IL2RB: variants seen among roughly 807,000 people sequenced by gnomAD.
IL2RB encodes the protein interleukin-2 receptor subunit beta.
In IL2RB, 17 loss-of-function variants were observed where a neutral mutation model predicts 44.2. The observed-to-expected ratio is 0.38, with a 90% CI of 0.26 to 0.58. The LOEUF is 0.58. IL2RB is among the 20% of genes least tolerant of loss of function. The probability of loss-of-function intolerance (pLI) is 0.63; values close to 1 mark genes in which losing one functional copy is unlikely to be tolerated. For missense variants in IL2RB, 624 were observed against 685.5 expected (o/e 0.91, Z 1.00); for synonymous variants, 286 against 297.9 (o/e 0.96, Z 0.41).
At chr22:37,146,690 C>T (rs756096569) in intron 1 of IL2RB, among the ~76,000 whole-genome samples, 9 of 152,180 alleles carry the variant, frequency 5.9e-5, no homozygotes, top group Non-Finnish European at 1.2e-4. Context: ...GCAGGGCCGG[C>T]GTTGACCAGG....
chr22:37,139,163 C>A lies in IL2RB; in HGVS notation c.342G>T (p.Val114=). 1.9e-6 allele frequency: 3 copies of A among 1,614,078 alleles called. No individual in the cohort carries two copies. The highest frequency in any genetic ancestry group is 2.5e-6 in the Non-Finnish European group (3 of 1,179,968). ...VTLRVLCREG[V]RWRVMAIQDF... ...CCTGGATGGCCATCACCCTCCATCG[C>A]ACCCCCTCACGGCACAGCACCCTCA... The change falls in exon 5 of 10, where the codon GTG becomes GTT. Residue 114 remains valine, a synonymous_variant. Transcript: ENST00000216223.
At chr22:37,154,492 T>C (rs146761898), upstream of IL2RB, among the ~76,000 whole-genome samples, 727 of 152,138 alleles carry the variant, frequency 4.8e-3, 8 homozygotes, top group African/African-American at 0.017. Flanking sequence ...TGGGAGGAAG[T>C]GATTTATTCT....
In IL2RB at chr22:37,170,089, A is replaced by AATGG. The variant is rs541899667; in HGVS notation, c.-34+4865_-34+4868dup. Among the ~76,000 whole-genome samples the AATGG allele has an allele frequency of 4.8e-3, 560 of 115,768 alleles. 1 individual carries two copies. Among genetic ancestry groups the AATGG allele is most frequent in the African/African-American group, 0.022 (492 of 21,892 alleles). 75.9% of individuals were successfully genotyped at this position (115,768 alleles called of 152,430 possible). On this transcript the variant is annotated intron_variant, in intron 1 of 5. Transcript: ENST00000429622. ...GAAGGATGGGGGAGAAGGAAGGAAG[A>AATGG]ATGGATGGATGGATGGATGGATGGA...
upstream of IL2RB, among the ~76,000 whole-genome samples, chr22:37,153,433 C>T (rs1922568207): frequency 6.6e-6 from 1 of 152,072 alleles, no homozygotes; most frequent in South Asian, 2.1e-4. Context: ...CTTAGGCCTC[C>T]CTGTGCTTCA....
rs549967280 is a variant in IL2RB, at chr22:37,172,097, T to C, written c.-34+2861A>G. ...TGACGTTGTCAGGATTGAAATGACC[T>C]GTTACTGCTTTAATGCTCCCTCTCA... On this transcript the variant is annotated intron_variant, in intron 1 of 5. Transcript: ENST00000429622. Among the ~76,000 whole-genome samples the C allele has an allele frequency of 3.9e-5, 6 of 152,198 alleles. No homozygotes were observed. The South Asian group carries it at 8.3e-4, about 21-fold the overall frequency.
upstream of IL2RB, among the ~76,000 whole-genome samples, chr22:37,154,870 G>A (rs545451198): frequency 1.3e-5 from 2 of 152,066 alleles, no homozygotes; most frequent in East Asian, 3.9e-4. Context: ...CACCACGGCC[G>A]GCCATCCCTC....
chr22:37,155,838 G>A (rs1395097452), intron 1 of IL2RB, among the ~76,000 whole-genome samples: 1 of 152,158 alleles, frequency 6.6e-6, no homozygotes, highest in East Asian at 1.9e-4. Flanking sequence ...CCTCTGCGCT[G>A]CATCTTCATG....
chr22:37,170,687 G>T (rs904219607), intron 1 of IL2RB, among the ~76,000 whole-genome samples: 4 of 152,142 alleles, frequency 2.6e-5, no homozygotes, highest in Non-Finnish European at 5.9e-5. Flanking sequence ...GTGGCTCATG[G>T]CCTCCCAGCC....
At chr22:37,154,039 G>A (rs1336779051), upstream of IL2RB, among the ~76,000 whole-genome samples, 1 of 152,182 alleles carries the variant, frequency 6.6e-6, no homozygotes, top group Non-Finnish European at 1.5e-5. Context: ...CAAAGACCAG[G>A]TCAGACACAG....
chr22:37,148,838 G>A (rs1210785889), intron 1 of IL2RB, among the ~76,000 whole-genome samples: 2 of 152,066 alleles, frequency 1.3e-5, no homozygotes, highest in African/African-American at 2.4e-5. Context: ...TGCCATCAGG[G>A]GTATATGGTG....
intron 1 of IL2RB, among the ~76,000 whole-genome samples, chr22:37,158,309 G>T (rs1441937204): frequency 6.6e-6 from 1 of 152,134 alleles, no homozygotes; most frequent in East Asian, 1.9e-4. Context: ...CAGCACTTTG[G>T]CAGGCTGAGG....
At chr22:37,165,204 C>T (rs906101392) in intron 1 of IL2RB, among the ~76,000 whole-genome samples, 1 of 152,234 alleles carries the variant, frequency 6.6e-6, no homozygotes, top group South Asian at 2.1e-4. Context: ...TGGGCCTGGG[C>T]CATCTGGCTC....
At chr22:37,154,575 CTTTTTTTTT>C (rs57147928), upstream of IL2RB, among the ~76,000 whole-genome samples, 1 of 141,608 alleles carries the variant, frequency 7.1e-6, no homozygotes, top group South Asian at 2.2e-4. Context: ...CTTTTTTTTT[CTTTTTTTTT>C]TTTTGTTTTT....
intron 8 of IL2RB, 67 bp from the exon 9 acceptor site, chr22:37,132,535 C>A: frequency 8.4e-7 from 1 of 1,188,914 alleles, no homozygotes; most frequent in South Asian, 1.3e-5. Flanking sequence ...ATGCCATCGG[C>A]ACCACAGCTC....
At chr22:37,149,706 G>C (rs1298584651) in intron 1 of IL2RB, 119 bp downstream of exon 1, 1 of 325,664 alleles carries the variant, frequency 3.1e-6, no homozygotes. Context: ...TTGGGGGATG[G>C]GAGTTCAGGC....
intron 1 of IL2RB, among the ~76,000 whole-genome samples, chr22:37,174,131 C>T (rs1923375149): frequency 6.6e-6 from 1 of 152,156 alleles, no homozygotes; most frequent in African/African-American, 2.4e-5. Context: ...GTTATGTGAC[C>T]AGCTGTGGCC....
chr22:37,162,453 G>A (rs1241536172), intron 1 of IL2RB, among the ~76,000 whole-genome samples: 4 of 152,218 alleles, frequency 2.6e-5, no homozygotes, highest in African/African-American at 4.8e-5. Flanking sequence ...GGAAGGCCTG[G>A]TGAGGCCCAC....
At chr22:37,152,218 A>T (rs568565209), upstream of IL2RB, among the ~76,000 whole-genome samples, 1 of 152,200 alleles carries the variant, frequency 6.6e-6, no homozygotes, top group South Asian at 2.1e-4. Context: ...ATATCTTTTT[A>T]TTTTTTGTGT....
At chr22:37,164,131 C>T (rs1323377940) in intron 1 of IL2RB, among the ~76,000 whole-genome samples, 1 of 152,202 alleles carries the variant, frequency 6.6e-6, no homozygotes, top group Non-Finnish European at 1.5e-5. Context: ...CGGAAAGCAA[C>T]AGTCAGCCAT....
Sources: allele counts gnomAD v4.1 joint callset (sites outside exome capture counted in the v4.1 genomes callset), GRCh38; gene constraint gnomAD v4.1.1; transcripts MANE v1.5; gene names NCBI Gene and HGNC (gene_info 2026-07-23, HGNC 2026-07-21).